PRIM2: variants seen among roughly 807,000 people sequenced by gnomAD.
The protein encoded by PRIM2 is DNA primase subunit 2.
PRIM2 carries 39 observed loss-of-function variants against 67.3 expected under a neutral mutation model. The ratio of observed to expected loss-of-function variants is 0.58; its 90% CI spans 0.45 to 0.76. The LOEUF (loss-of-function observed/expected upper bound fraction) is 0.76. Among genes scored for constraint, PRIM2 ranks in the 30% least tolerant of loss-of-function variants. The pLI, the probability that PRIM2 is intolerant of heterozygous loss-of-function variation, is 0.00. For missense variants in PRIM2, 398 were observed against 598.7 expected (o/e 0.66, Z 3.50); for synonymous variants, 143 against 198.7 (o/e 0.72, Z 2.36).
At chr6:57,362,009 A>G (rs1184813347) in intron 5 of PRIM2, among the ~76,000 whole-genome samples, 3 of 152,142 alleles carry the variant, frequency 2.0e-5, no homozygotes, top group Non-Finnish European at 2.9e-5. Flanking sequence ...GGTAGCAGAG[A>G]TACTCCAATG....
At chr6:57,502,759 C>A (rs1774166158) in intron 7 of PRIM2, among the ~76,000 whole-genome samples, 1 of 152,186 alleles carries the variant, frequency 6.6e-6, no homozygotes, top group Non-Finnish European at 1.5e-5. Context: ...TAAAGCTTCT[C>A]CTTCCAGATT....
intron 5 of PRIM2, among the ~76,000 whole-genome samples, chr6:57,333,854 G>A (rs534991586): frequency 8.5e-5 from 13 of 152,080 alleles, no homozygotes; most frequent in Admixed American, 2.0e-4. Context: ...GTACATTGTG[G>A]AATGATTACA....
intron 10 of PRIM2, among the ~76,000 whole-genome samples, chr6:57,574,876 C>T (rs1775934007): frequency 6.6e-6 from 1 of 151,518 alleles, no homozygotes; most frequent in South Asian, 2.1e-4. Flanking sequence ...AAAAATAGTA[C>T]AATGTCATGG....
intron 7 of PRIM2, among the ~76,000 whole-genome samples, chr6:57,389,024 G>T (rs1770240520): frequency 3.3e-5 from 5 of 152,172 alleles, no homozygotes. Context: ...GTTAGAAAAT[G>T]GGGCAGATCC....
chr6:57,234,732 C>T, the PRIM2 span, among the ~76,000 whole-genome samples: 5 of 151,970 alleles, frequency 3.3e-5, no homozygotes, highest in Non-Finnish European at 7.4e-5. Flanking sequence ...ACTGTGTTAG[C>T]CAGGATGGTC....
the PRIM2 span, among the ~76,000 whole-genome samples, chr6:57,237,338 G>T: frequency 6.6e-6 from 1 of 152,172 alleles, no homozygotes; most frequent in African/African-American, 2.4e-5. Flanking sequence ...TGGGTAGATT[G>T]CAAAAATTTT....
the PRIM2 span, among the ~76,000 whole-genome samples, chr6:57,231,863 A>AATC: frequency 6.6e-6 from 1 of 151,056 alleles, no homozygotes; most frequent in African/African-American, 2.4e-5. Flanking sequence ...GGAAAAAAAA[A>AATC]AAACCACTAG....
chr6:57,478,884 C>A (rs1237645544), intron 7 of PRIM2, among the ~76,000 whole-genome samples: 1 of 152,230 alleles, frequency 6.6e-6, no homozygotes, highest in African/African-American at 2.4e-5. Context: ...CGGTGGCTCA[C>A]GCCTGTAATC....
At chr6:57,524,514 C>T (rs1279209943) in intron 8 of PRIM2, among the ~76,000 whole-genome samples, 2 of 152,030 alleles carry the variant, frequency 1.3e-5, no homozygotes, top group African/African-American at 4.8e-5. Context: ...CCAACCTGAC[C>T]AACATGGAGA....
chr6:57,565,965 G>A (rs1415281543), intron 10 of PRIM2, among the ~76,000 whole-genome samples: 1 of 152,012 alleles, frequency 6.6e-6, no homozygotes, highest in African/African-American at 2.4e-5. Flanking sequence ...GTTTGAACTA[G>A]GATTTACATC....
intron 7 of PRIM2, among the ~76,000 whole-genome samples, chr6:57,403,201 G>C (rs1238872847): frequency 6.6e-6 from 1 of 151,562 alleles, no homozygotes; most frequent in African/African-American, 2.4e-5. Flanking sequence ...AAATTCCAAA[G>C]TGCTGTGTAT....
intron 7 of PRIM2, among the ~76,000 whole-genome samples, chr6:57,467,927 G>A (rs1364212153): frequency 6.6e-6 from 1 of 152,102 alleles, no homozygotes; most frequent in African/African-American, 2.4e-5. Flanking sequence ...TTGGCTGTTT[G>A]TCTGTTATTG....
At position 57,615,127 on chromosome 6, in the gene PRIM2, G is replaced by T. The variant is rs1361037894; in HGVS notation, c.1230+8670G>T. Reference sequence around the variant, plus strand: ...AGAAATATTTATATTTTGAGATACAGAAATTTTAGAGCTGGGTGCGGTGGC... The same window carrying T: ...AGAAATATTTATATTTTGAGATACATAAATTTTAGAGCTGGGTGCGGTGGC... On this transcript the variant is annotated intron_variant, in intron 12 of 13. Transcript: ENST00000615550. 3.9e-3 allele frequency among the ~76,000 whole-genome samples: 595 copies of T among 152,200 alleles called. 3 individuals carry two copies. Among genetic ancestry groups the T allele is most frequent in the African/African-American group, 0.013 (560 of 41,538 alleles).
At chr6:57,258,385 TA>T in the PRIM2 span, among the ~76,000 whole-genome samples, 381 of 148,928 alleles carry the variant, frequency 2.6e-3, 1 homozygote, top group South Asian at 0.01. Flanking sequence ...AAATGAGGTT[TA>T]AAAAAAAAAG....
At chr6:57,597,675 T>A (rs1776389843) in intron 10 of PRIM2, among the ~76,000 whole-genome samples, 1 of 152,142 alleles carries the variant, frequency 6.6e-6, no homozygotes, top group Non-Finnish European at 1.5e-5. Flanking sequence ...GGGGATTCTT[T>A]CCCAGGTTTC....
intron 7 of PRIM2, among the ~76,000 whole-genome samples, chr6:57,433,225 GTTCTA>G (rs1210174653): frequency 6.6e-6 from 1 of 151,832 alleles, no homozygotes; most frequent in African/African-American, 2.4e-5. Context: ...ATAAACCTTT[GTTCTA>G]TTTTATTTTA....
At chr6:57,374,812 C>G (rs144239930) in intron 5 of PRIM2, among the ~76,000 whole-genome samples, 2 of 152,152 alleles carry the variant, frequency 1.3e-5, no homozygotes, top group African/African-American at 4.8e-5. Context: ...TCATGAACTC[C>G]TGACCTGAGG....
chr6:57,227,385 T>C, the PRIM2 span, among the ~76,000 whole-genome samples: 1 of 152,214 alleles, frequency 6.6e-6, no homozygotes, highest in East Asian at 1.9e-4. Context: ...GGCTCACGCC[T>C]GTAATCCCAG....
At chr6:57,485,208 A>C (rs1350246098) in intron 7 of PRIM2, among the ~76,000 whole-genome samples, 22 of 151,972 alleles carry the variant, frequency 1.4e-4, no homozygotes, top group Admixed American at 8.5e-4. Context: ...CCTTCTGGCC[A>C]CCGTGGTTAG....
Sources: gnomAD v4.1 joint callset for allele counts (sites outside exome capture counted in the v4.1 genomes callset) on GRCh38, gnomAD v4.1.1 for gene constraint, MANE v1.5 for transcripts, NCBI Gene and HGNC (gene_info 2026-07-23, HGNC 2026-07-21) for gene names.